The following AFG3L2 variants were observed in gnomAD, a reference collection of about 807,000 sequenced individuals.
AFG3L2 encodes mitochondrial inner membrane m-AAA protease component AFG3L2.
Under a neutral mutation model 94.5 loss-of-function variants are expected in AFG3L2, and 54 were observed. The observed-to-expected ratio is 0.57, with a 90% CI of 0.46 to 0.72. AFG3L2 has a LOEUF of 0.72. AFG3L2 is among the 30% of genes least tolerant of loss of function. AFG3L2 has a pLI of 0.00. For missense variants in AFG3L2, 754 were observed against 994.9 expected (o/e 0.76, Z 3.26); for synonymous variants, 377 against 365.5 (o/e 1.03, Z -0.36).
chr18:12,366,217 T>A (rs896734215), intron 5 of AFG3L2, among the ~76,000 whole-genome samples: 25 of 152,288 alleles, frequency 1.6e-4, no homozygotes, highest in African/African-American at 6.0e-4. Flanking sequence ...TATTTTAACA[T>A]CAGAAATGGA....
chr18:12,353,296 C>T, intron 9 of AFG3L2, 138 bp from the exon 10 acceptor site: 1 of 1,030,736 alleles, frequency 9.7e-7, no homozygotes, highest in Non-Finnish European at 1.4e-6. Context: ...TGGTGGATCA[C>T]CTGAGGTCAG....
rs560280780 is a variant in AFG3L2 at position 12,344,977 on chromosome 18, A to T, written c.1664-730T>A. On this transcript the variant is annotated intron_variant, in intron 13 of 16. Coordinates refer to ENST00000269143, the MANE Select transcript of AFG3L2 (RefSeq NM_006796.3). ...CTCATTGCATAGTCTAGGTATTCAGAATTATCAAATACTGGGCACGCGAAG... is the reference window on the plus strand; with the variant it reads ...CTCATTGCATAGTCTAGGTATTCAGTATTATCAAATACTGGGCACGCGAAG... Among the ~76,000 whole-genome samples, 151 of 152,350 alleles carry T rather than the reference A, an allele frequency of 9.9e-4. 1 individual carries two copies. Among genetic ancestry groups the T allele is most frequent in the African/African-American group, 3.2e-3 (132 of 41,588 alleles).
chr18:12,352,673 A>C (rs1421183971), intron 10 of AFG3L2, among the ~76,000 whole-genome samples: 1 of 152,168 alleles, frequency 6.6e-6, no homozygotes, highest in African/African-American at 2.4e-5. Context: ...ACCGATATTA[A>C]GTTATGCAGG....
Position 12,344,021 on chromosome 18 carries a change from T to TA in AFG3L2, c.1779+110dup, listed in dbSNP as rs757740354. ...ACCAGAAGTTACCAGAAGTTTTGGC[T>TA]AAAGCCTTGTTTCTTTCTCCTTTGC... is the stretch of plus-strand genomic sequence containing the variant. On this transcript the variant is annotated intron_variant, in intron 14 of 16. Transcript: ENST00000269143. 7 of 981,454 alleles carry TA rather than the reference T, an allele frequency of 7.1e-6. No homozygotes were observed. In the African/African-American group the frequency reaches 9.5e-5, roughly 13 times the overall value. 60.8% of individuals were successfully genotyped at this position (981,454 alleles called of 1,614,324 possible).
chr18:12,341,373 A>C (rs868485178), intron 14 of AFG3L2: 1 of 152,226 alleles, frequency 6.6e-6, no homozygotes, highest in Admixed American at 6.5e-5. Context: ...GCCACAATGA[A>C]GATACAGAAT....
chr18:12,333,665 A>G (rs1408062914), intron 16 of AFG3L2, among the ~76,000 whole-genome samples: 2 of 152,166 alleles, frequency 1.3e-5, no homozygotes, highest in African/African-American at 4.8e-5. Context: ...GTTCTTGGCC[A>G]AAATATTATT....
At chr18:12,357,507 CTTA>C (rs1431337825) in intron 8 of AFG3L2, among the ~76,000 whole-genome samples, 1 of 152,066 alleles carries the variant, frequency 6.6e-6, no homozygotes, top group African/African-American at 2.4e-5. Flanking sequence ...TAAAATTTTG[CTTA>C]TTTTCTTCTT....
Position 12,358,991 on chromosome 18 carries a change from A to G in AFG3L2, c.753-48T>C, listed in dbSNP as rs924975166. 8 of 1,577,794 alleles carry G rather than the reference A, an allele frequency of 5.1e-6. No homozygotes were observed. The African/African-American group carries it at 9.5e-5, about 19-fold the overall frequency. On this transcript the variant is annotated intron_variant, in intron 7 of 16. Coordinates refer to ENST00000269143, the MANE Select transcript of AFG3L2 (RefSeq NM_006796.3). ...GGGTTAGGACTGGCTGCTCACCTCC[A>G]GCTTTCACATGTGGTGCAAGATATC...
At chr18:12,367,887 G>A (rs1407935824) in intron 3 of AFG3L2, among the ~76,000 whole-genome samples, 1 of 152,192 alleles carries the variant, frequency 6.6e-6, no homozygotes, top group Non-Finnish European at 1.5e-5. Flanking sequence ...CCCTGCCTCT[G>A]GCCGGGCGCG....
Position 12,359,942 on chromosome 18 carries a change from A to G in AFG3L2, c.737T>C (p.Ile246Thr). The change falls in exon 7 of 17, where the codon ATT (isoleucine) becomes ACT (threonine). Residue 246 changes from isoleucine to threonine, a missense_variant. Physicochemically the swap from Ile to Thr is moderately conservative, Grantham distance 89. Around this residue, in one of 4 missense-constraint regions of AFG3L2, gnomAD observed 130 missense variants for 175.1 expected, o/e 0.74. Transcript: ENST00000269143. ...EGENRVPVVY[I>T]AESDGSFLLS... ...TTGAGATTACCCATCACTTTCAGCA[A>G]TGTAGACAACAGGCACCCGATTTTC... 1 of 1,613,746 alleles carries G rather than the reference A, an allele frequency of 6.2e-7. No homozygotes were observed. The highest frequency in any genetic ancestry group is 8.5e-7 in the Non-Finnish European group (1 of 1,180,000).
In AFG3L2 at chr18:12,348,264, T is replaced by C; in HGVS notation, c.1663+9A>G. 1 of 1,605,538 alleles carries C rather than the reference T, an allele frequency of 6.2e-7. No individual in the cohort carries two copies. The highest frequency in any genetic ancestry group is 1.1e-5 in the South Asian group (1 of 90,924). On this transcript the variant is annotated intron_variant, in intron 13 of 16. Coordinates refer to ENST00000269143, the MANE Select transcript of AFG3L2 (RefSeq NM_006796.3). The stretch of plus-strand genomic sequence containing the variant: ...GCCTTTCCACTTGAGTTATGTTCAG[T>C]TTCCTTACCACCAATCACTCGTTCA...
chr18:12,334,111 A>T (rs1907670261), intron 16 of AFG3L2, among the ~76,000 whole-genome samples: 1 of 152,220 alleles, frequency 6.6e-6, no homozygotes, highest in Non-Finnish European at 1.5e-5. Context: ...GCCCTCGCAG[A>T]GTCTGGAAGG....
chr18:12,354,136 C>CCCA (rs1568140630), intron 9 of AFG3L2, among the ~76,000 whole-genome samples: 1,547 of 125,498 alleles, frequency 0.012, 44 homozygotes, highest in African/African-American at 0.049. Flanking sequence ...ACTCCCACCC[C>CCCA]CCCCCCCCCA....
intron 9 of AFG3L2, among the ~76,000 whole-genome samples, chr18:12,356,195 A>T (rs1908490137): frequency 6.7e-6 from 1 of 149,492 alleles, no homozygotes; most frequent in Admixed American, 6.7e-5. Context: ...TCTGTTGCCC[A>T]GGCTGGAATG....
chr18:12,369,144 A>G (rs1327214463), intron 3 of AFG3L2, among the ~76,000 whole-genome samples: 2 of 152,146 alleles, frequency 1.3e-5, no homozygotes, highest in African/African-American at 4.8e-5. Context: ...ACACGCAGTA[A>G]GCACACCACT....
At chr18:12,376,756 G>T (rs908677503) in intron 1 of AFG3L2, among the ~76,000 whole-genome samples, 3 of 152,250 alleles carry the variant, frequency 2.0e-5, no homozygotes, top group African/African-American at 7.2e-5. Flanking sequence ...CTGAAGCTGC[G>T]CGTTTTCAAA....
At chr18:12,332,973 T>TACTATAATATATTA (rs1221230325) in intron 16 of AFG3L2, among the ~76,000 whole-genome samples, 1 of 28,406 alleles carries the variant, frequency 3.5e-5, no homozygotes, top group Non-Finnish European at 1.0e-4. Flanking sequence ...ATATATTATA[T>TACTATAATATATTA]ATTATATAAA....
chr18:12,357,623 A>T (rs1011685370), intron 8 of AFG3L2, among the ~76,000 whole-genome samples: 1 of 151,634 alleles, frequency 6.6e-6, no homozygotes, highest in East Asian at 2.0e-4. Context: ...TTTTTGAGAT[A>T]GAGTTTCACT....
chr18:12,356,648 T>C, intron 9 of AFG3L2, 46 bp downstream of exon 9: 2 of 1,613,608 alleles, frequency 1.2e-6, no homozygotes, highest in South Asian at 1.1e-5. Context: ...TGTGGTGAAG[T>C]GGTGGGTGCA....
Sources: gnomAD v4.1 joint callset for allele counts (sites outside exome capture counted in the v4.1 genomes callset) on GRCh38, gnomAD v4.1.1 for gene constraint, gnomAD v4.1.1 regional missense constraint, MANE v1.5 for transcripts, NCBI Gene and HGNC (gene_info 2026-07-23, HGNC 2026-07-21) for gene names.